The following TMEM132C variants were observed in gnomAD, a reference collection of about 807,000 sequenced individuals.
The protein encoded by TMEM132C is protein phosphatase 1, regulatory subunit 152.
In TMEM132C, 29 loss-of-function variants were observed where a neutral mutation model predicts 61.4. The ratio of observed to expected loss-of-function variants is 0.47; its 90% CI spans 0.35 to 0.64. TMEM132C has a LOEUF of 0.64. Ranked by LOEUF, TMEM132C falls within the 30% of genes least tolerant of loss-of-function variation. The pLI is 0.00. For synonymous variants in TMEM132C, 656 were observed against 633.1 expected (o/e 1.04, Z -0.54); for missense variants, 1,408 against 1,476.9 (o/e 0.95, Z 0.76).
intron 2 of TMEM132C, among the ~76,000 whole-genome samples, chr12:128,416,557 T>A (rs1231738650): frequency 6.6e-6 from 1 of 152,250 alleles, no homozygotes; most frequent in Non-Finnish European, 1.5e-5. Flanking sequence ...ACATTTTGAA[T>A]GAGTTGCTTG....
At chr12:128,301,597 T>C (rs899243495) in intron 1 of TMEM132C, among the ~76,000 whole-genome samples, 1 of 152,128 alleles carries the variant, frequency 6.6e-6, no homozygotes, top group African/African-American at 2.4e-5. Context: ...CAGGTAGAAA[T>C]GATGGGATGG....
At chr12:128,359,614 T>A (rs1311599788) in intron 1 of TMEM132C, among the ~76,000 whole-genome samples, 2 of 152,224 alleles carry the variant, frequency 1.3e-5, no homozygotes, top group African/African-American at 2.4e-5. Context: ...GACCCTGTTC[T>A]AAAATCAGAC....
intron 3 of TMEM132C, among the ~76,000 whole-genome samples, chr12:128,604,190 C>T (rs919006484): frequency 1.6e-4 from 24 of 152,004 alleles, no homozygotes; most frequent in Middle Eastern, 6.8e-3. Flanking sequence ...TTTATGGATA[C>T]GTGGGATGGA....
intron 2 of TMEM132C, among the ~76,000 whole-genome samples, chr12:128,535,074 A>AG (rs1324503784): frequency 1.3e-5 from 2 of 152,178 alleles, no homozygotes; most frequent in East Asian, 3.8e-4. Flanking sequence ...ATTTCCTGCT[A>AG]GGGGCAATGG....
chr12:128,639,242 GTGATAA>G (rs1320913488), intron 4 of TMEM132C, among the ~76,000 whole-genome samples: 4 of 116,716 alleles, frequency 3.4e-5, no homozygotes, highest in Admixed American at 3.1e-4. Context: ...GATGATGATG[GTGATAA>G]TGATGATGGT....
At chr12:128,294,534 C>T (rs1270273881) in intron 1 of TMEM132C, among the ~76,000 whole-genome samples, 1 of 152,188 alleles carries the variant, frequency 6.6e-6, no homozygotes, top group African/African-American at 2.4e-5. Flanking sequence ...CTGTCTTAGT[C>T]TGTTCTAGTT....
intron 5 of TMEM132C, among the ~76,000 whole-genome samples, chr12:128,670,808 CTT>C (rs1566010355): frequency 2.6e-5 from 4 of 152,128 alleles, no homozygotes; most frequent in Admixed American, 6.5e-5. Flanking sequence ...AGATTCTGCT[CTT>C]TGTCTTTCCC....
chr12:128,576,245 T>C (rs1250983290), intron 3 of TMEM132C, among the ~76,000 whole-genome samples: 2 of 148,798 alleles, frequency 1.3e-5, no homozygotes, highest in African/African-American at 5.0e-5. Flanking sequence ...AGAGCGAGAC[T>C]CTGAAAAAGA....
intron 1 of TMEM132C, among the ~76,000 whole-genome samples, chr12:128,356,940 A>G (rs1190079520): frequency 6.6e-6 from 1 of 152,188 alleles, no homozygotes; most frequent in African/African-American, 2.4e-5. Flanking sequence ...GGGAGACGAA[A>G]ATCTCATTTA....
At chr12:128,536,156 GA>G (rs1873517599) in intron 2 of TMEM132C, among the ~76,000 whole-genome samples, 1 of 152,186 alleles carries the variant, frequency 6.6e-6, no homozygotes, top group Non-Finnish European at 1.5e-5. Flanking sequence ...GTCCACCAAT[GA>G]TAGACTGGAT....
chr12:128,494,648 A>G (rs200548074), intron 2 of TMEM132C, among the ~76,000 whole-genome samples: 54,447 of 151,790 alleles, frequency 0.36, 10,019 homozygotes, highest in East Asian at 0.58. Flanking sequence ...GCTATTGATA[A>G]TATTCTCTGA....
At position 128,512,084 on chromosome 12, in the gene TMEM132C, G is replaced by GT. The variant is rs113131064; in HGVS notation, c.975-31863dup. 1.5e-3 allele frequency among the ~76,000 whole-genome samples: 222 copies of GT among 149,770 alleles called. 5 individuals are homozygous for GT. In the South Asian group the frequency reaches 0.036, roughly 24 times the overall value. The stretch of plus-strand genomic sequence containing the variant: ...CAGGCACTTTCCTACCGCACTGCCA[G>GT]TTTTTTTTTTCTTTTTCTTTTTAAG... On this transcript the variant is annotated intron_variant, in intron 2 of 8. Coordinates refer to ENST00000435159, the MANE Select transcript of TMEM132C (RefSeq NM_001136103.3).
At chr12:128,681,555 C>T (rs1053067521) in intron 5 of TMEM132C, among the ~76,000 whole-genome samples, 8 of 152,084 alleles carry the variant, frequency 5.3e-5, no homozygotes, top group African/African-American at 1.9e-4. Flanking sequence ...TATGTTATTT[C>T]CGACTTTCCA....
intron 2 of TMEM132C, among the ~76,000 whole-genome samples, chr12:128,486,876 AACACACAC>A (rs56407388): frequency 0.012 from 1,560 of 131,188 alleles, 30 homozygotes; most frequent in East Asian, 0.096. Context: ...TGTGCATGCA[AACACACAC>A]ACACACACAC....
chr12:128,688,939 A>G (rs1377540883), intron 5 of TMEM132C, among the ~76,000 whole-genome samples: 2 of 151,998 alleles, frequency 1.3e-5, no homozygotes, highest in African/African-American at 4.8e-5. Flanking sequence ...GATTACAGGC[A>G]TGCACCACCA....
At chr12:128,600,593 A>AG (rs554247465) in intron 3 of TMEM132C, among the ~76,000 whole-genome samples, 1 of 152,190 alleles carries the variant, frequency 6.6e-6, no homozygotes, top group Non-Finnish European at 1.5e-5. Context: ...TGGGCACCAC[A>AG]GGGGGCATGG....
chr12:128,344,251 G>T (rs1043574974), intron 1 of TMEM132C, among the ~76,000 whole-genome samples: 1 of 152,100 alleles, frequency 6.6e-6, no homozygotes, highest in Admixed American at 6.5e-5. Context: ...TCCGCCTCCC[G>T]GGTTCACGCC....
At chr12:128,357,703 A>T (rs551546030) in intron 1 of TMEM132C, among the ~76,000 whole-genome samples, 2 of 151,448 alleles carry the variant, frequency 1.3e-5, no homozygotes, top group African/African-American at 4.9e-5. Flanking sequence ...AAAAAAAAAA[A>T]AAAAAAAGAA....
At chr12:128,324,690 T>C (rs1322583872) in intron 1 of TMEM132C, among the ~76,000 whole-genome samples, 1 of 152,068 alleles carries the variant, frequency 6.6e-6, no homozygotes. Flanking sequence ...TGAGACCCTG[T>C]CTCTACAAAA....
Sources: gnomAD v4.1 joint callset for allele counts (sites outside exome capture counted in the v4.1 genomes callset) on GRCh38, gnomAD v4.1.1 for gene constraint, MANE v1.5 for transcripts, NCBI Gene and HGNC (gene_info 2026-07-23, HGNC 2026-07-21) for gene names.